The following ATF6 variants were observed in gnomAD, a reference collection of about 807,000 sequenced individuals.
ATF6 encodes the protein cyclic AMP-dependent transcription factor ATF-6 alpha.
ATF6 carries 53 observed loss-of-function variants against 83.6 expected under a neutral mutation model. The observed-to-expected ratio is 0.63, with a 90% confidence interval of 0.51 to 0.80. ATF6 has a LOEUF of 0.80. Among genes scored for constraint, ATF6 ranks in the 30% least tolerant of loss-of-function variants. The probability of loss-of-function intolerance (pLI) is 0.00; values close to 1 mark genes in which losing one functional copy is unlikely to be tolerated. For missense variants in ATF6, 744 were observed against 797.9 expected, an observed-to-expected ratio of 0.93 and a Z score of 0.81; for synonymous variants, 288 against 285.8, an observed-to-expected ratio of 1.01 and a Z score of -0.08.
chr1:161,851,783 T>G lies in ATF6; in HGVS notation c.1381T>G (p.Tyr461Asp). Residue 461 changes from tyrosine (Y) to aspartate (D), a missense_variant, in exon 11 of 16, where the codon TAC becomes GAC. Tyr to Asp is a radical substitution (Grantham distance 160, BLOSUM62 -3). Coordinates refer to ENST00000367942, the MANE Select transcript of ATF6 (RefSeq NM_007348.4). ...LMVLTEEPLL[Y>D]IPPPPCQPLI... Reference sequence around the variant, plus strand: ...GGTGCTAACTGAAGAACCATTGCTTTACATTCCTCCACCTCCTTGTCAGCC... The same window carrying G: ...GGTGCTAACTGAAGAACCATTGCTTGACATTCCTCCACCTCCTTGTCAGCC... The G allele has an allele frequency of 6.2e-7, 1 of 1,614,026 alleles. No homozygotes were observed.
At chr1:161,911,866 A>G (rs941128754) in intron 14 of ATF6, among the ~76,000 whole-genome samples, 2 of 152,232 alleles carry the variant, frequency 1.3e-5, no homozygotes, top group Non-Finnish European at 2.9e-5. Context: ...AGATACTCTC[A>G]GTATCTTGTG....
intron 15 of ATF6, among the ~76,000 whole-genome samples, chr1:161,925,304 G>GT (rs1359897582): frequency 2.6e-5 from 4 of 152,034 alleles, no homozygotes; most frequent in African/African-American, 9.7e-5. Context: ...AAACCAAGGT[G>GT]TTTTTTTCTA....
At chr1:161,823,774 G>A (rs1685818342) in intron 9 of ATF6, among the ~76,000 whole-genome samples, 1 of 152,150 alleles carries the variant, frequency 6.6e-6, no homozygotes, top group Non-Finnish European at 1.5e-5. Flanking sequence ...TATGCAGTTG[G>A]AAAAGGGAGA....
At chr1:161,871,531 T>G (rs1558004877) in intron 14 of ATF6, among the ~76,000 whole-genome samples, 1 of 151,630 alleles carries the variant, frequency 6.6e-6, no homozygotes, top group Non-Finnish European at 1.5e-5. Context: ...TAATGATTGA[T>G]AGCTTAAAGT....
rs558905325 is a variant in ATF6 at position 161,946,290 on chromosome 1, T to G, written c.1805-12156T>G. Among the ~76,000 whole-genome samples, 5 of 152,318 alleles carry G rather than the reference T, an allele frequency of 3.3e-5. No individual in the cohort carries two copies. In the East Asian group the frequency reaches 9.7e-4, roughly 29 times the overall value. On this transcript the variant is annotated intron_variant, in intron 15 of 15. Coordinates refer to ENST00000367942, the MANE Select transcript of ATF6 (RefSeq NM_007348.4). ...GATTGCAGGCGTCAGCCACTACACC[T>G]GGCCCCTGCAGAGTCTTTATCAAAC... is the stretch of plus-strand genomic sequence containing the variant.
chr1:161,863,071 C>A, intron 13 of ATF6, 127 bp from the exon 14 acceptor site: 1 of 532,704 alleles, frequency 1.9e-6, no homozygotes, highest in Non-Finnish European at 3.4e-6. Flanking sequence ...AAATTACTGC[C>A]AAAGTGCAAC....
chr1:161,840,293 CA>C (rs1156893482), intron 9 of ATF6: 5 of 152,216 alleles, frequency 3.3e-5, no homozygotes, highest in Admixed American at 6.6e-5. Flanking sequence ...CTCCTGTCTC[CA>C]AATTTTGTGC....
At chr1:161,915,221 T>G (rs1273372090) in intron 15 of ATF6, among the ~76,000 whole-genome samples, 1 of 152,208 alleles carries the variant, frequency 6.6e-6, no homozygotes, top group Non-Finnish European at 1.5e-5. Flanking sequence ...CTTGTTGCAC[T>G]GAAAGAAAAG....
At chr1:161,900,645 A>G (rs1445138162) in intron 14 of ATF6, among the ~76,000 whole-genome samples, 1 of 152,166 alleles carries the variant, frequency 6.6e-6, no homozygotes, top group Non-Finnish European at 1.5e-5. Flanking sequence ...TGAAGTCAGA[A>G]TAGCTTGATT....
At chr1:161,772,789 A>T (rs552869135) in intron 1 of ATF6, among the ~76,000 whole-genome samples, 2 of 151,342 alleles carry the variant, frequency 1.3e-5, no homozygotes, top group East Asian at 3.9e-4. Context: ...AAACCAACAA[A>T]CTCAAAACTC....
At chr1:161,882,035 T>C (rs548991203) in intron 14 of ATF6, among the ~76,000 whole-genome samples, 63 of 152,288 alleles carry the variant, frequency 4.1e-4, no homozygotes, top group African/African-American at 1.4e-3. Flanking sequence ...TTTCACCTAA[T>C]AGCTTTTAAA....
At chr1:161,919,745 C>G (rs1688165832) in intron 15 of ATF6, among the ~76,000 whole-genome samples, 1 of 152,040 alleles carries the variant, frequency 6.6e-6, no homozygotes, top group Non-Finnish European at 1.5e-5. Context: ...ATTAAGGGCC[C>G]ACGTAGATGA....
chr1:161,887,927 G>A (rs1223736465), intron 14 of ATF6, among the ~76,000 whole-genome samples: 3 of 152,154 alleles, frequency 2.0e-5, no homozygotes, highest in Non-Finnish European at 4.4e-5. Context: ...CCACCTGTTA[G>A]CATTCAGTAT....
At chr1:161,899,014 G>A (rs372422128) in intron 14 of ATF6, among the ~76,000 whole-genome samples, 10 of 152,148 alleles carry the variant, frequency 6.6e-5, no homozygotes, top group African/African-American at 2.4e-4. Context: ...AAAGAAAATC[G>A]TTTCTCCCCT....
Position 161,860,232 on chromosome 1 carries a change from CT to C in ATF6, c.1560del (p.Gln521SerfsTer2). ...LQGALEQGSNSQLMAVQYTET... is the reference protein window; with the variant it reads ...LQGALEQGSNXQLMAVQYTET... ...GGTGCTCTGGAACAGGGCTCAAATT[CT>C]CAGCTGATGGCTGTTCAATACACAG... On this transcript the variant is annotated frameshift_variant, in exon 13 of 16. Coordinates refer to ENST00000367942, the MANE Select transcript of ATF6 (RefSeq NM_007348.4). LOFTEE classifies it high-confidence loss of function. 1 of 1,590,076 alleles carries C rather than the reference CT, an allele frequency of 6.3e-7. No individual in the cohort carries two copies. The highest frequency in any genetic ancestry group is 8.6e-7 in the Non-Finnish European group (1 of 1,166,914).
At chr1:161,792,475 C>G (rs1684906959) in intron 6 of ATF6, 148 bp downstream of exon 6, 2 of 744,098 alleles carry the variant, frequency 2.7e-6, no homozygotes, top group East Asian at 5.1e-5. Context: ...GCAGAGATGA[C>G]TAATGTGTGG....
intron 7 of ATF6, among the ~76,000 whole-genome samples, chr1:161,816,717 A>T (rs1409566010): frequency 1.3e-5 from 2 of 152,176 alleles, no homozygotes; most frequent in African/African-American, 4.8e-5. Flanking sequence ...GGTCATTTTG[A>T]TACACTGTAT....
At chr1:161,861,530 T>C (rs1302663514) in intron 13 of ATF6, among the ~76,000 whole-genome samples, 1 of 152,206 alleles carries the variant, frequency 6.6e-6, no homozygotes, top group East Asian at 1.9e-4. Flanking sequence ...TTTAAAAATA[T>C]ATCAATTTTT....
chr1:161,955,206 C>T (rs1388555399), intron 15 of ATF6, among the ~76,000 whole-genome samples: 1 of 152,208 alleles, frequency 6.6e-6, no homozygotes, highest in African/African-American at 2.4e-5. Flanking sequence ...TCTCATATCC[C>T]TGCCTGTGTT....
Sources: gnomAD v4.1 joint callset for allele counts (sites outside exome capture counted in the v4.1 genomes callset) on GRCh38, gnomAD v4.1.1 for gene constraint, MANE v1.5 for transcripts, NCBI Gene and HGNC (gene_info 2026-07-23, HGNC 2026-07-21) for gene names.